The following JMJD1C variants were observed in gnomAD, a reference collection of about 807,000 sequenced individuals.
JMJD1C encodes the protein jumonji domain containing 1C.
A neutral mutation model predicts 245.3 loss-of-function variants in JMJD1C; 31 were observed. That is an observed-to-expected ratio of 0.13 (90% CI 0.09 to 0.17). The LOEUF (loss-of-function observed/expected upper bound fraction) is 0.17, where lower values mean the gene tolerates loss of function less well. Ranked by LOEUF, JMJD1C falls within the 10% of genes least tolerant of loss-of-function variation. The probability of loss-of-function intolerance (pLI) is 1.00; values close to 1 mark genes in which losing one functional copy is unlikely to be tolerated. For missense variants in JMJD1C, 2,691 were observed against 3,000.2 expected (o/e 0.90, Z 2.41); for synonymous variants, 1,057 against 1,017.4 (o/e 1.04, Z -0.74).
chr10:63,316,614 ATTT>A (rs1329995566), intron 2 of JMJD1C, among the ~76,000 whole-genome samples: 1 of 151,962 alleles, frequency 6.6e-6, no homozygotes, highest in African/African-American at 2.4e-5. Flanking sequence ...TGCCCAGTTA[ATTT>A]TTTTATTTTT....
chr10:63,345,024 C>T (rs1943687802), intron 2 of JMJD1C, among the ~76,000 whole-genome samples: 1 of 152,140 alleles, frequency 6.6e-6, no homozygotes, highest in African/African-American at 2.4e-5. Context: ...AATACCCCTC[C>T]TAGATATCTG....
At chr10:63,440,747 T>C (rs924896825) in intron 1 of JMJD1C, among the ~76,000 whole-genome samples, 2 of 152,214 alleles carry the variant, frequency 1.3e-5, no homozygotes, top group African/African-American at 4.8e-5. Flanking sequence ...CCTTTATTAC[T>C]GTACTGTCTA....
intron 5 of JMJD1C, among the ~76,000 whole-genome samples, chr10:63,216,860 T>C (rs955206456): frequency 6.6e-6 from 1 of 152,154 alleles, no homozygotes; most frequent in African/African-American, 2.4e-5. Flanking sequence ...TGAAAAGAAA[T>C]GATTTCGGAA....
intron 1 of JMJD1C, among the ~76,000 whole-genome samples, chr10:63,479,675 T>C (rs890250254): frequency 1.4e-4 from 21 of 152,178 alleles, no homozygotes; most frequent in African/African-American, 5.1e-4. Context: ...CCATATTTCC[T>C]GTAAAGTGGT....
At chr10:63,372,005 C>CAT (rs1946359125) in intron 2 of JMJD1C, among the ~76,000 whole-genome samples, 1 of 152,126 alleles carries the variant, frequency 6.6e-6, no homozygotes, top group Non-Finnish European at 1.5e-5. Flanking sequence ...TGGAAGGTGG[C>CAT]ATATTTTCAC....
chr10:63,312,323 G>C (rs1167951532), intron 2 of JMJD1C, among the ~76,000 whole-genome samples: 1 of 151,948 alleles, frequency 6.6e-6, no homozygotes. Context: ...GGTCAGCCTG[G>C]TCTCTAACTC....
chr10:63,348,644 G>C (rs1457485908), intron 2 of JMJD1C, among the ~76,000 whole-genome samples: 2 of 152,150 alleles, frequency 1.3e-5, no homozygotes, highest in Non-Finnish European at 2.9e-5. Flanking sequence ...GATACTGTTT[G>C]GATGTCTGTC....
chr10:63,324,551 A>G (rs1941303439), intron 2 of JMJD1C, among the ~76,000 whole-genome samples: 1 of 152,214 alleles, frequency 6.6e-6, no homozygotes, highest in African/African-American at 2.4e-5. Context: ...AGAGGAAAGA[A>G]AGATTCAGAA....
intron 2 of JMJD1C, among the ~76,000 whole-genome samples, chr10:63,365,481 G>C (rs1945754952): frequency 6.6e-6 from 1 of 152,108 alleles, no homozygotes; most frequent in African/African-American, 2.4e-5. Context: ...GTAAGATTCA[G>C]TAATTCAGGC....
chr10:63,203,429 AAAGT>A, intron 10 of JMJD1C: 1 of 985,430 alleles, frequency 1.0e-6, no homozygotes, highest in Non-Finnish European at 1.2e-6. Context: ...GGGGAGGAAG[AAAGT>A]AAGAGACAAA....
chr10:63,466,839 A>T (rs144335169), upstream of JMJD1C, among the ~76,000 whole-genome samples: 150 of 152,320 alleles, frequency 9.8e-4, no homozygotes, highest in Non-Finnish European at 1.6e-3. Context: ...CCACACAAAG[A>T]TCTCTAACTT....
At chr10:63,288,889 CAATAATAATAATAAT>C (rs61651313) in intron 2 of JMJD1C, among the ~76,000 whole-genome samples, 142 of 139,592 alleles carry the variant, frequency 1.0e-3, no homozygotes, top group East Asian at 1.4e-3. Context: ...AATAATAATA[CAATAATAATAATAAT>C]AATAATAATA....
intron 1 of JMJD1C, among the ~76,000 whole-genome samples, chr10:63,407,784 G>T (rs1043549808): frequency 1.3e-5 from 2 of 148,782 alleles, no homozygotes; most frequent in Admixed American, 6.7e-5. Flanking sequence ...AAAAGCAAAA[G>T]GATGCTATCA....
chr10:63,396,929 GTTTT>G (rs1289435997), intron 1 of JMJD1C, among the ~76,000 whole-genome samples: 5 of 130,126 alleles, frequency 3.8e-5, no homozygotes, highest in Admixed American at 1.5e-4. Context: ...CTGGTTTTTG[GTTTT>G]TTTTTTTTTT....
chr10:63,180,549 A>C (rs1003794791), intron 22 of JMJD1C, among the ~76,000 whole-genome samples: 2 of 152,206 alleles, frequency 1.3e-5, no homozygotes, highest in Non-Finnish European at 2.9e-5. Flanking sequence ...AAAAAAATTA[A>C]GGGCAATGTA....
chr10:63,342,191 T>C lies in JMJD1C; in HGVS notation c.333+38127A>G, dbSNP rs145805775. The stretch of plus-strand genomic sequence containing the variant: ...GTTCATTCATTAACCAATAGTGAAA[T>C]AGCCAAAATGGTTCTGAGTCAAAGT... On this transcript the variant is annotated intron_variant, in intron 2 of 25. Transcript: ENST00000399262. Among the ~76,000 whole-genome samples, 346 of 152,308 alleles carry C rather than the reference T, an allele frequency of 2.3e-3. 3 individuals are homozygous for C. The highest frequency in any genetic ancestry group is 7.8e-3 in the African/African-American group (324 of 41,574).
Position 63,208,416 on chromosome 10 carries a change from G to A in JMJD1C, c.3253C>T (p.Pro1085Ser), listed in dbSNP as rs1846914421. ...SDLYKMKHSVPQSLPQSNYFT... is the reference protein window; with the variant it reads ...SDLYKMKHSVSQSLPQSNYFT... ...TAGTTACTTTGGGGTAAACTCTGAGGCACTGAGTGCTTCATTTTATAAAGA... is the reference window on the plus strand; with the variant it reads ...TAGTTACTTTGGGGTAAACTCTGAGACACTGAGTGCTTCATTTTATAAAGA... Residue 1085 changes from proline to serine, a missense_variant, in exon 10 of 26, where the codon CCT becomes TCT. Physicochemically the swap from Pro to Ser is moderately conservative, Grantham distance 74. This residue lies in a region of JMJD1C where 1,562 missense variants were observed against 1,490.7 expected (regional missense o/e 1.05). Coordinates refer to ENST00000399262, the MANE Select transcript of JMJD1C (RefSeq NM_032776.3). The A allele has an allele frequency of 3.7e-6, 6 of 1,613,766 alleles. No individual in the cohort carries two copies. The highest frequency in any genetic ancestry group is 5.1e-6 in the Non-Finnish European group (6 of 1,179,924).
At chr10:63,269,280 C>T in intron 2 of JMJD1C, 1 of 866,092 alleles carries the variant, frequency 1.2e-6, no homozygotes, top group Non-Finnish European at 1.4e-6. Context: ...TAAACTGTAA[C>T]TAATCCCCCG....
chr10:63,231,832 T>C (rs748407801), intron 3 of JMJD1C, among the ~76,000 whole-genome samples: 1 of 151,972 alleles, frequency 6.6e-6, no homozygotes, highest in East Asian at 1.9e-4. Flanking sequence ...AAATAGACTA[T>C]CTCCTTTACT....
Sources: allele counts gnomAD v4.1 joint callset (sites outside exome capture counted in the v4.1 genomes callset), GRCh38; gene constraint gnomAD v4.1.1; regional missense constraint gnomAD v4.1.1; transcripts MANE v1.5; gene names NCBI Gene and HGNC (gene_info 2026-07-23, HGNC 2026-07-21).